The following USP34 variants were observed in gnomAD, a reference collection of about 807,000 sequenced individuals.
USP34 encodes ubiquitin carboxyl-terminal hydrolase 34.
In USP34, 70 loss-of-function variants were observed where a neutral mutation model predicts 460.3. The observed-to-expected ratio is 0.15, with a 90% confidence interval of 0.13 to 0.19. The LOEUF (loss-of-function observed/expected upper bound fraction) is 0.19, where lower values mean the gene tolerates loss of function less well. Ranked by LOEUF, USP34 falls within the 10% of genes least tolerant of loss-of-function variation. USP34 has a pLI of 1.00. For synonymous variants in USP34, 1,647 were observed against 1,405.3 expected (o/e 1.17, Z -3.85); for missense variants, 3,985 against 4,236.2 (o/e 0.94, Z 1.65).
intron 75 of USP34, among the ~76,000 whole-genome samples, chr2:61,199,546 G>C (rs1255500862): frequency 6.6e-6 from 1 of 152,198 alleles, no homozygotes; most frequent in Non-Finnish European, 1.5e-5. Flanking sequence ...GCAAGCCACT[G>C]TGCCCTGCCC....
At chr2:61,335,001 G>T (rs1359109221) in intron 18 of USP34, among the ~76,000 whole-genome samples, 1 of 151,468 alleles carries the variant, frequency 6.6e-6, no homozygotes, top group Non-Finnish European at 1.5e-5. Flanking sequence ...CATTTTAAGT[G>T]CTATAATGAC....
At chr2:61,401,977 C>T (rs1693735125) in intron 3 of USP34, among the ~76,000 whole-genome samples, 1 of 151,718 alleles carries the variant, frequency 6.6e-6, no homozygotes, top group African/African-American at 2.4e-5. Flanking sequence ...CATGGCAAGG[C>T]ACTATGGCTC....
intron 1 of USP34, among the ~76,000 whole-genome samples, chr2:61,466,454 C>T (rs1273124291): frequency 6.6e-6 from 1 of 151,960 alleles, no homozygotes; most frequent in Non-Finnish European, 1.5e-5. Flanking sequence ...GATACAGTTT[C>T]AAATAGCTAG....
chr2:61,219,884 G>A (rs1687509220), intron 67 of USP34, among the ~76,000 whole-genome samples: 1 of 151,788 alleles, frequency 6.6e-6, no homozygotes. Flanking sequence ...TTTGATATGT[G>A]TCTACCTGTC....
intron 15 of USP34, among the ~76,000 whole-genome samples, chr2:61,346,819 G>A (rs1369263982): frequency 1.7e-5 from 2 of 114,780 alleles, no homozygotes; most frequent in African/African-American, 6.9e-5. Context: ...GTGACAGAGT[G>A]AGATTCCAAC....
chr2:61,385,856 T>C (rs1361531166), intron 5 of USP34, among the ~76,000 whole-genome samples: 6 of 148,570 alleles, frequency 4.0e-5, no homozygotes, highest in Non-Finnish European at 7.4e-5. Context: ...ATGAGCCAGG[T>C]GTGGTGACGC....
In USP34 at chr2:61,350,337, G is replaced by A; in HGVS notation, c.1430C>T (p.Ala477Val). The change falls in exon 12 of 80, where the codon GCA becomes GTA. Residue 477 changes from alanine (A) to valine (V), a missense_variant. Transcript: ENST00000398571. ...LIKALWNNALAAKAQLSKQSS... is the reference protein window; with the variant it reads ...LIKALWNNALVAKAQLSKQSS... ...CTGTTTAGATAACTGAGCCTTAGCT[G>A]CTAGTGCGTTATTCCACAGTGCTTT... is the stretch of plus-strand genomic sequence containing the variant. 1 of 1,613,684 alleles carries A rather than the reference G, an allele frequency of 6.2e-7. No homozygotes were observed. Among genetic ancestry groups the A allele is most frequent in the East Asian group, 2.2e-5 (1 of 44,806 alleles).
chr2:61,317,269 G>A (rs942232536), intron 23 of USP34, among the ~76,000 whole-genome samples: 2 of 152,164 alleles, frequency 1.3e-5, no homozygotes, highest in Non-Finnish European at 1.5e-5. Flanking sequence ...GCTCATGCCT[G>A]TAATCCCAGC....
chr2:61,440,637 C>T (rs1189951514), intron 1 of USP34, among the ~76,000 whole-genome samples: 1 of 151,624 alleles, frequency 6.6e-6, no homozygotes, highest in Admixed American at 6.6e-5. Flanking sequence ...CCTGCCTCAG[C>T]CTACCAAGTA....
intron 3 of USP34, among the ~76,000 whole-genome samples, chr2:61,397,214 G>A (rs764431177): frequency 6.7e-6 from 1 of 148,982 alleles, no homozygotes; most frequent in Non-Finnish European, 1.5e-5. Context: ...AGGCCAAGGT[G>A]GGCAGATCAT....
chr2:61,369,010 G>A (rs1692524497), intron 10 of USP34, among the ~76,000 whole-genome samples: 1 of 152,062 alleles, frequency 6.6e-6, no homozygotes, highest in African/African-American at 2.4e-5. Flanking sequence ...TTGATAAATA[G>A]CAAAAAATAT....
At chr2:61,377,490 G>C (rs957554150) in intron 8 of USP34, among the ~76,000 whole-genome samples, 2 of 151,928 alleles carry the variant, frequency 1.3e-5, no homozygotes, top group Admixed American at 6.6e-5. Context: ...ATTGGAAATG[G>C]GGCCTTTGGG....
intron 1 of USP34, among the ~76,000 whole-genome samples, chr2:61,444,479 G>A (rs1362693850): frequency 6.6e-6 from 1 of 152,126 alleles, no homozygotes; most frequent in Non-Finnish European, 1.5e-5. Context: ...GGTGATGAAA[G>A]ACAGACTGAG....
chr2:61,291,846 C>T (rs1242646226), intron 33 of USP34, among the ~76,000 whole-genome samples: 1 of 152,124 alleles, frequency 6.6e-6, no homozygotes, highest in Non-Finnish European at 1.5e-5. Flanking sequence ...CCAAATGCTT[C>T]TCAATTGGTG....
At chr2:61,408,845 A>G (rs1693956952) in intron 2 of USP34, among the ~76,000 whole-genome samples, 2 of 152,046 alleles carry the variant, frequency 1.3e-5, no homozygotes, top group South Asian at 4.1e-4. Flanking sequence ...GTGAGCCGAG[A>G]TCACGCCCCC....
intron 13 of USP34, 150 bp from the exon 14 acceptor site, chr2:61,349,036 C>T: frequency 3.6e-6 from 4 of 1,121,852 alleles, no homozygotes; most frequent in Non-Finnish European, 4.9e-6. Flanking sequence ...AACATTTGCT[C>T]ATGATTTCTA....
chr2:61,303,846 C>A (rs747142630), intron 27 of USP34, among the ~76,000 whole-genome samples: 1 of 151,730 alleles, frequency 6.6e-6, no homozygotes, highest in South Asian at 2.1e-4. Flanking sequence ...CTGCCCGCCT[C>A]GGCCTCCCAA....
chr2:61,267,361 C>T (rs1689080741), intron 41 of USP34, among the ~76,000 whole-genome samples: 1 of 151,730 alleles, frequency 6.6e-6, no homozygotes, highest in Non-Finnish European at 1.5e-5. Flanking sequence ...CCTCTTTCAT[C>T]TATTGTTAAA....
At chr2:61,361,675 T>C (rs1255978663) in intron 10 of USP34, among the ~76,000 whole-genome samples, 1 of 152,116 alleles carries the variant, frequency 6.6e-6, no homozygotes, top group Non-Finnish European at 1.5e-5. Flanking sequence ...GATTAAAAAC[T>C]TCAAAGTACA....
Sources: gnomAD v4.1 joint callset for allele counts (sites outside exome capture counted in the v4.1 genomes callset) on GRCh38, gnomAD v4.1.1 for gene constraint, MANE v1.5 for transcripts, NCBI Gene and HGNC (gene_info 2026-07-23, HGNC 2026-07-21) for gene names.